Variants in LRRC8B observed in about 807,000 individuals in gnomAD.
The protein encoded by LRRC8B is volume-regulated anion channel subunit LRRC8B.
In LRRC8B, 23 loss-of-function variants were observed where a neutral mutation model predicts 58.8. That is an observed-to-expected ratio of 0.39 (90% CI 0.28 to 0.55). The LOEUF (loss-of-function observed/expected upper bound fraction) is 0.55. Ranked by LOEUF, LRRC8B falls within the 20% of genes least tolerant of loss-of-function variation. The pLI is 0.62. For synonymous variants in LRRC8B, 359 were observed against 374.1 expected, an observed-to-expected ratio of 0.96 and a Z score of 0.47; for missense variants, 694 against 936.0, an observed-to-expected ratio of 0.74 and a Z score of 3.37.
chr1:89,576,361 C>T (rs926522662), intron 3 of LRRC8B, among the ~76,000 whole-genome samples: 23 of 152,066 alleles, frequency 1.5e-4, no homozygotes, highest in African/African-American at 4.8e-4. Context: ...CTATCTTGTA[C>T]GCTTTCTCCT....
intron 1 of LRRC8B, among the ~76,000 whole-genome samples, chr1:89,525,332 C>T (rs1238758466): frequency 6.6e-6 from 1 of 152,154 alleles, no homozygotes; most frequent in East Asian, 1.9e-4. Context: ...TCTCTTTCCC[C>T]CGGGAGTCTC....
At chr1:89,581,571 G>C (rs1456109545) in intron 4 of LRRC8B, among the ~76,000 whole-genome samples, 1 of 152,120 alleles carries the variant, frequency 6.6e-6, no homozygotes, top group Non-Finnish European at 1.5e-5. Context: ...TGAAACAATT[G>C]ATGTATGTAA....
rs985994447 is a variant in LRRC8B at position 89,582,054 on chromosome 1, G to C, written c.-26-571G>C. On this transcript the variant is annotated intron_variant, in intron 4 of 5. Coordinates refer to ENST00000330947, the MANE Select transcript of LRRC8B (RefSeq NM_001369817.2). ...TGCTTCAGACATGGGACAAGGTGTG[G>C]AAAGGAGCTTACTCAGACATTTTGG... 7.2e-5 allele frequency among the ~76,000 whole-genome samples: 11 copies of C among 152,084 alleles called. 1 individual carries two copies. The highest frequency in any genetic ancestry group is 1.5e-5 in the Non-Finnish European group (1 of 68,020).
intron 1 of LRRC8B, among the ~76,000 whole-genome samples, chr1:89,556,280 C>G (rs1048462977): frequency 6.6e-6 from 1 of 152,150 alleles, no homozygotes; most frequent in African/African-American, 2.4e-5. Flanking sequence ...AAGCTCCATC[C>G]TCCCACTGCC....
intron 1 of LRRC8B, among the ~76,000 whole-genome samples, chr1:89,560,535 C>A (rs936600068): frequency 5.3e-5 from 8 of 151,340 alleles, no homozygotes; most frequent in Admixed American, 2.0e-4. Flanking sequence ...ATCCCTCCCC[C>A]CTTCCCCCAC....
chr1:89,526,694 ATGT>A (rs1570540571), intron 1 of LRRC8B, among the ~76,000 whole-genome samples: 1 of 152,170 alleles, frequency 6.6e-6, no homozygotes, highest in African/African-American at 2.4e-5. Flanking sequence ...AATGGGGGTG[ATGT>A]TGTCATTGAG....
intron 3 of LRRC8B, among the ~76,000 whole-genome samples, chr1:89,570,683 A>C (rs1173088514): frequency 6.6e-6 from 1 of 152,186 alleles, no homozygotes; most frequent in South Asian, 2.1e-4. Flanking sequence ...CTCTGTTGAT[A>C]GCTTCTTTTG....
intron 1 of LRRC8B, among the ~76,000 whole-genome samples, chr1:89,553,746 C>T (rs541904478): frequency 4.9e-4 from 75 of 152,230 alleles, no homozygotes; most frequent in African/African-American, 1.8e-3. Flanking sequence ...TTTTTCTACT[C>T]AGAATTTTAA....
chr1:89,552,573 G>A (rs1004410606), intron 1 of LRRC8B, among the ~76,000 whole-genome samples: 3 of 152,058 alleles, frequency 2.0e-5, no homozygotes, highest in Non-Finnish European at 4.4e-5. Context: ...TAGATTAAAG[G>A]GAATGACAGT....
chr1:89,525,197 C>T (rs1483383733), intron 1 of LRRC8B, among the ~76,000 whole-genome samples, 175 bp downstream of exon 1: 1 of 152,240 alleles, frequency 6.6e-6, no homozygotes, highest in East Asian at 1.9e-4. Flanking sequence ...GCTGCAGAGA[C>T]GAGTGGCCGC....
intron 3 of LRRC8B, among the ~76,000 whole-genome samples, chr1:89,570,841 T>C (rs928344098): frequency 1.3e-5 from 2 of 152,166 alleles, no homozygotes; most frequent in Non-Finnish European, 2.9e-5. Context: ...GTTTTTATAA[T>C]TTGGGGTTTT....
intron 1 of LRRC8B, among the ~76,000 whole-genome samples, chr1:89,549,036 A>C (rs1432522726): frequency 6.6e-6 from 1 of 152,170 alleles, no homozygotes; most frequent in African/African-American, 2.4e-5. Context: ...TCACTCAAAA[A>C]CTATTTACTG....
intron 1 of LRRC8B, among the ~76,000 whole-genome samples, chr1:89,540,675 C>T (rs1650896124): frequency 6.6e-6 from 1 of 152,066 alleles, no homozygotes; most frequent in African/African-American, 2.4e-5. Context: ...AGGAAGAGCC[C>T]AGGAGCCCCA....
At chr1:89,534,793 G>A (rs1650410667) in intron 1 of LRRC8B, among the ~76,000 whole-genome samples, 1 of 152,086 alleles carries the variant, frequency 6.6e-6, no homozygotes, top group Non-Finnish European at 1.5e-5. Context: ...GATATCTAGT[G>A]ATTTATCACA....
At chr1:89,542,093 G>A (rs889007193) in intron 1 of LRRC8B, among the ~76,000 whole-genome samples, 3 of 152,152 alleles carry the variant, frequency 2.0e-5, no homozygotes, top group African/African-American at 7.2e-5. Context: ...CTACTCTCGT[G>A]TACCAAAAAT....
chr1:89,554,870 C>T (rs1381802874), intron 1 of LRRC8B, among the ~76,000 whole-genome samples: 1 of 152,104 alleles, frequency 6.6e-6, no homozygotes, highest in Non-Finnish European at 1.5e-5. Context: ...AATTTGGTTG[C>T]TAAGAAATAA....
intron 1 of LRRC8B, among the ~76,000 whole-genome samples, chr1:89,539,021 C>G (rs1043591996): frequency 6.6e-6 from 1 of 152,122 alleles, no homozygotes; most frequent in African/African-American, 2.4e-5. Context: ...CGCACCCAGC[C>G]CCTTCAAGGT....
intron 1 of LRRC8B, among the ~76,000 whole-genome samples, chr1:89,548,253 A>T (rs1251151635): frequency 6.6e-6 from 1 of 152,172 alleles, no homozygotes; most frequent in Admixed American, 6.5e-5. Context: ...CTTTTTTTTA[A>T]GTTTGAAGTT....
intron 1 of LRRC8B, among the ~76,000 whole-genome samples, chr1:89,528,198 C>T (rs1649843973): frequency 6.6e-6 from 1 of 152,158 alleles, no homozygotes; most frequent in South Asian, 2.1e-4. Flanking sequence ...TATTCTTCAG[C>T]TAACAAGCAC....
Sources: gnomAD v4.1 joint callset for allele counts (sites outside exome capture counted in the v4.1 genomes callset) on GRCh38, gnomAD v4.1.1 for gene constraint, MANE v1.5 for transcripts, NCBI Gene and HGNC (gene_info 2026-07-23, HGNC 2026-07-21) for gene names.